Variants in MAD1L1 observed in about 807,000 individuals in gnomAD.
The protein encoded by MAD1L1 is mitotic spindle assembly checkpoint protein MAD1.
In MAD1L1, 95 loss-of-function variants were observed where a neutral mutation model predicts 96.9. That is an observed-to-expected ratio of 0.98 (90% CI 0.83 to 1.16). The LOEUF (loss-of-function observed/expected upper bound fraction) is 1.16, where lower values mean the gene tolerates loss of function less well. Among genes scored for constraint, MAD1L1 ranks in the 50% most tolerant of loss-of-function variants. The pLI, the probability that MAD1L1 is intolerant of heterozygous loss-of-function variation, is 0.00. For synonymous variants in MAD1L1, 473 were observed against 396.6 expected (o/e 1.19, Z -2.29); for missense variants, 1,007 against 954.4 (o/e 1.06, Z -0.73).
At chr7:1,930,619 C>T (rs541457492) in intron 17 of MAD1L1, among the ~76,000 whole-genome samples, 1 of 148,908 alleles carries the variant, frequency 6.7e-6, no homozygotes, top group South Asian at 2.2e-4. Flanking sequence ...CCCCTTGCTT[C>T]GTCCCACCGT....
chr7:1,818,012 T>G (rs1021992689), intron 18 of MAD1L1, among the ~76,000 whole-genome samples: 1 of 151,908 alleles, frequency 6.6e-6, no homozygotes, highest in African/African-American at 2.4e-5. Context: ...TTCTGCTGCC[T>G]TAGTACATTT....
At chr7:2,016,916 G>A (rs543938939) in intron 12 of MAD1L1, among the ~76,000 whole-genome samples, 13 of 152,364 alleles carry the variant, frequency 8.5e-5, no homozygotes, top group African/African-American at 3.1e-4. Context: ...GCCAGTTACC[G>A]GAGTTGTCAG....
chr7:2,182,058 T>C (rs1410648448), intron 10 of MAD1L1, among the ~76,000 whole-genome samples: 1 of 151,842 alleles, frequency 6.6e-6, no homozygotes, highest in Non-Finnish European at 1.5e-5. Flanking sequence ...TGCACCAAAA[T>C]CTCAGAAACC....
intron 10 of MAD1L1, among the ~76,000 whole-genome samples, chr7:2,184,192 C>T (rs938543807): frequency 3.3e-5 from 5 of 151,992 alleles, no homozygotes. Flanking sequence ...GCGGAGCTTG[C>T]AGTGAGTGGA....
chr7:1,928,072 G>A (rs1789191556), intron 17 of MAD1L1, among the ~76,000 whole-genome samples: 1 of 152,088 alleles, frequency 6.6e-6, no homozygotes, highest in African/African-American at 2.4e-5. Flanking sequence ...TCTGTCTCCA[G>A]CACTACAGTC....
intron 10 of MAD1L1, among the ~76,000 whole-genome samples, chr7:2,151,001 T>C (rs986583757): frequency 6.6e-6 from 1 of 152,208 alleles, no homozygotes; most frequent in Non-Finnish European, 1.5e-5. Context: ...CTGAAAGACC[T>C]TGGAAGAGAA....
chr7:1,979,407 C>T (rs59460871), intron 15 of MAD1L1, among the ~76,000 whole-genome samples: 2,104 of 152,316 alleles, frequency 0.014, 43 homozygotes, highest in African/African-American at 0.048. Context: ...CTCCTGCCAC[C>T]CCACCCTGTG....
rs533276838 is a variant in MAD1L1 at position 2,212,267 on chromosome 7, C to T, written c.986+945G>A. Reference sequence around the variant, plus strand: ...ATCCCCAGCACCCAGGGTGGTCCCCCGGCAGCTCCACCCCACATCCCACCA... The same window carrying T: ...ATCCCCAGCACCCAGGGTGGTCCCCTGGCAGCTCCACCCCACATCCCACCA... On this transcript the variant is annotated intron_variant, in intron 10 of 18. Coordinates refer to ENST00000265854, the MANE Select transcript of MAD1L1 (RefSeq NM_001013836.2). Among the ~76,000 whole-genome samples the T allele has an allele frequency of 8.5e-5, 13 of 152,320 alleles. No individual in the cohort carries two copies. In the East Asian group the frequency reaches 1.9e-3, roughly 23 times the overall value.
At chr7:1,906,807 C>A (rs1307577291) in intron 17 of MAD1L1, among the ~76,000 whole-genome samples, 1 of 152,214 alleles carries the variant, frequency 6.6e-6, no homozygotes, top group Non-Finnish European at 1.5e-5. Context: ...AGCTCCTGCC[C>A]CTGCGCAAGC....
intron 12 of MAD1L1, among the ~76,000 whole-genome samples, chr7:2,062,479 G>C (rs143905058): frequency 0.011 from 1,644 of 151,866 alleles, 26 homozygotes; most frequent in African/African-American, 0.038. Flanking sequence ...AGAGGCTGAG[G>C]CAACAGAATT....
intron 11 of MAD1L1, among the ~76,000 whole-genome samples, chr7:2,071,917 G>A (rs573566525): frequency 2.0e-5 from 3 of 152,260 alleles, no homozygotes; most frequent in African/African-American, 7.2e-5. Flanking sequence ...GGGAGGGCAC[G>A]GACGCTCTGC....
intron 17 of MAD1L1, among the ~76,000 whole-genome samples, chr7:1,934,639 G>A (rs552441766): frequency 3.1e-4 from 46 of 150,414 alleles, no homozygotes; most frequent in Middle Eastern, 3.5e-3. Flanking sequence ...GCGAACCCGA[G>A]ACAGGCAGAC....
chr7:1,949,535 C>T (rs1430829719), intron 16 of MAD1L1, among the ~76,000 whole-genome samples: 1 of 152,206 alleles, frequency 6.6e-6, no homozygotes, highest in Non-Finnish European at 1.5e-5. Context: ...CAAAGTGCTT[C>T]CCCTTCCCCA....
intron 18 of MAD1L1, among the ~76,000 whole-genome samples, chr7:1,840,830 A>T (rs1020857993): frequency 5.9e-5 from 9 of 152,232 alleles, no homozygotes; most frequent in Admixed American, 2.6e-4. Flanking sequence ...CTTGGACCTG[A>T]GCAGCCTCCC....
intron 15 of MAD1L1, among the ~76,000 whole-genome samples, chr7:1,965,698 C>T (rs1639216560): frequency 6.6e-6 from 1 of 152,258 alleles, no homozygotes; most frequent in African/African-American, 2.4e-5. Flanking sequence ...CGGCAGGGAG[C>T]CTGAGGCAGG....
intron 18 of MAD1L1, among the ~76,000 whole-genome samples, chr7:1,843,045 C>T (rs1783367836): frequency 6.6e-6 from 1 of 152,242 alleles, no homozygotes; most frequent in African/African-American, 2.4e-5. Flanking sequence ...TTGAGTGTGT[C>T]AGTCCCTCTG....
chr7:1,862,981 C>T (rs1167498439), intron 18 of MAD1L1, among the ~76,000 whole-genome samples: 2 of 152,242 alleles, frequency 1.3e-5, no homozygotes, highest in Non-Finnish European at 2.9e-5. Context: ...ACAAGTCCCA[C>T]ATGTGTTGGG....
chr7:2,215,069 A>C (rs1028642695), intron 9 of MAD1L1, among the ~76,000 whole-genome samples: 11 of 151,758 alleles, frequency 7.2e-5, no homozygotes, highest in African/African-American at 2.7e-4. Flanking sequence ...CCATCTCTAC[A>C]AAAAAAAATT....
At chr7:1,940,857 G>C (rs1377684699) in intron 16 of MAD1L1, among the ~76,000 whole-genome samples, 1 of 145,228 alleles carries the variant, frequency 6.9e-6, no homozygotes, top group African/African-American at 2.6e-5. Context: ...GCTGTAGTCA[G>C]CTGACCCCTG....
Sources: allele counts gnomAD v4.1 joint callset (sites outside exome capture counted in the v4.1 genomes callset), GRCh38; gene constraint gnomAD v4.1.1; transcripts MANE v1.5; gene names NCBI Gene and HGNC (gene_info 2026-07-23, HGNC 2026-07-21).